Variants in MACROD1 observed in about 807,000 individuals in gnomAD.
MACROD1 encodes the protein ADP-ribose glycohydrolase MACROD1.
In MACROD1, 31 loss-of-function variants were observed where a neutral mutation model predicts 41.4. That is an observed-to-expected ratio of 0.75 (90% CI 0.56 to 1.01). MACROD1 has a LOEUF of 1.01. Among genes scored for constraint, MACROD1 ranks in the 50% least tolerant of loss-of-function variants. The pLI, the probability that MACROD1 is intolerant of heterozygous loss-of-function variation, is 0.00. For missense variants in MACROD1, 473 were observed against 460.0 expected (o/e 1.03, Z -0.26); for synonymous variants, 252 against 203.4 (o/e 1.24, Z -2.03).
chr11:64,159,118 G>A (rs941947656), intron 1 of MACROD1, among the ~76,000 whole-genome samples: 3 of 151,854 alleles, frequency 2.0e-5, no homozygotes, highest in Non-Finnish European at 2.9e-5. Context: ...TCAGGAGTTC[G>A]AGACCAGCCT....
chr11:63,999,311 C>T lies in MACROD1; in HGVS notation c.891+20G>A. 1 of 1,553,360 alleles carries T rather than the reference C, an allele frequency of 6.4e-7. No homozygotes were observed. ...CTGGCCGGGATGCGGACCCCACCCTCGCCCGGGCCCAGGACTCACCTTGTC... is the reference window on the plus strand; with the variant it reads ...CTGGCCGGGATGCGGACCCCACCCTTGCCCGGGCCCAGGACTCACCTTGTC... On this transcript the variant is annotated intron_variant, in intron 8 of 10. Coordinates refer to ENST00000255681, the MANE Select transcript of MACROD1 (RefSeq NM_014067.4).
intron 3 of MACROD1, among the ~76,000 whole-genome samples, chr11:64,077,943 C>T (rs1020776447): frequency 2.0e-5 from 3 of 152,226 alleles, no homozygotes; most frequent in African/African-American, 7.2e-5. Context: ...CAGCTAAGCC[C>T]TGATGGGCCC....
At chr11:64,160,817 A>T (rs1277032505) in intron 1 of MACROD1, among the ~76,000 whole-genome samples, 1 of 150,690 alleles carries the variant, frequency 6.6e-6, no homozygotes, top group Admixed American at 6.6e-5. Flanking sequence ...CCATATCTAA[A>T]AAAAAAAAAA....
chr11:64,000,410 G>A, intron 4 of MACROD1, 67 bp from the exon 5 acceptor site: 1 of 1,065,442 alleles, frequency 9.4e-7, no homozygotes, highest in Non-Finnish European at 1.3e-6. Context: ...AGCACCCTCA[G>A]TCCCGAGAAG....
At chr11:64,086,789 G>C (rs908422961) in intron 3 of MACROD1, 3 of 152,280 alleles carry the variant, frequency 2.0e-5, no homozygotes, top group Non-Finnish European at 2.9e-5. Flanking sequence ...GGAGCTGGAC[G>C]TGAGCCCTCA....
chr11:64,150,584 C>T (rs1945560809), intron 3 of MACROD1, among the ~76,000 whole-genome samples: 1 of 152,346 alleles, frequency 6.6e-6, no homozygotes, highest in African/African-American at 2.4e-5. Flanking sequence ...ACCTGCTCGA[C>T]TTAACCAGCC....
intron 1 of MACROD1, among the ~76,000 whole-genome samples, chr11:64,157,378 G>A (rs1001218291): frequency 2.0e-5 from 3 of 152,340 alleles, no homozygotes; most frequent in Admixed American, 6.5e-5. Context: ...ACAGGCGTGA[G>A]CCACCGCGCC....
rs1943062777 is a variant in MACROD1, at chr11:64,015,142, G to A, written c.547+110C>T. The A allele has an allele frequency of 5.0e-6, 6 of 1,195,936 alleles. No individual in the cohort carries two copies. In the East Asian group the frequency reaches 1.7e-4, roughly 35 times the overall value. 74.1% of individuals were successfully genotyped at this position (1,195,936 alleles called of 1,614,324 possible). A position where few individuals can be genotyped will look rare whatever the true frequency, so the allele number is the denominator to read the frequency against. On this transcript the variant is annotated intron_variant, in intron 4 of 10. Coordinates refer to ENST00000255681, the MANE Select transcript of MACROD1 (RefSeq NM_014067.4). Reference sequence around the variant, plus strand: ...GGGAGGCACCCTGTGAGGACAGTGGGGAAGGTGGATTGCAGTGAGATGGGC... The same window carrying A: ...GGGAGGCACCCTGTGAGGACAGTGGAGAAGGTGGATTGCAGTGAGATGGGC...
At chr11:64,007,509 C>A (rs1441458674) in intron 4 of MACROD1, among the ~76,000 whole-genome samples, 3 of 152,160 alleles carry the variant, frequency 2.0e-5, no homozygotes, top group Non-Finnish European at 4.4e-5. Context: ...GTGGCAGGAA[C>A]AGGCCGGCGG....
At chr11:64,119,894 G>C (rs186033726) in intron 3 of MACROD1, among the ~76,000 whole-genome samples, 8 of 152,296 alleles carry the variant, frequency 5.3e-5, no homozygotes, top group Admixed American at 2.0e-4. Context: ...CGGAGCCTGG[G>C]GTTCCGACGT....
intron 3 of MACROD1, among the ~76,000 whole-genome samples, chr11:64,045,812 C>T (rs997887369): frequency 3.9e-5 from 6 of 152,152 alleles, no homozygotes; most frequent in Non-Finnish European, 8.8e-5. Flanking sequence ...AACAGGTGGG[C>T]ATGCTGGCTC....
At chr11:64,087,784 G>A (rs2078955535) in intron 3 of MACROD1, among the ~76,000 whole-genome samples, 1 of 152,234 alleles carries the variant, frequency 6.6e-6, no homozygotes, top group Non-Finnish European at 1.5e-5. Flanking sequence ...ATGACCGGAG[G>A]CTGGACGCCT....
At position 64,000,347 on chromosome 11, in the gene MACROD1, C is replaced by T; in HGVS notation, c.548-4G>A. 1.3e-6 allele frequency: 2 copies of T among 1,555,668 alleles called. No homozygotes were observed. The highest frequency in any genetic ancestry group is 1.7e-6 in the Non-Finnish European group (2 of 1,151,656). On this transcript the variant is annotated splice_polypyrimidine_tract_variant and splice_region_variant and intron_variant, in intron 4 of 10. Coordinates refer to ENST00000255681, the MANE Select transcript of MACROD1 (RefSeq NM_014067.4). ...GCCCGATGAATGCAGCCGTCCACTG[C>T]GGGAAGGGCGGGCGCGACTGAGCTG...
At chr11:64,111,440 C>A (rs1565237523) in intron 3 of MACROD1, among the ~76,000 whole-genome samples, 3 of 152,262 alleles carry the variant, frequency 2.0e-5, no homozygotes. Context: ...CCCTGTGCTA[C>A]CTACCTGCTC....
intron 3 of MACROD1, among the ~76,000 whole-genome samples, chr11:64,107,924 C>A (rs1275859972): frequency 6.6e-6 from 1 of 152,232 alleles, no homozygotes; most frequent in Non-Finnish European, 1.5e-5. Flanking sequence ...GGAAGAATGG[C>A]TCATTGCTAG....
At chr11:64,108,207 G>A (rs1173590897) in intron 3 of MACROD1, among the ~76,000 whole-genome samples, 1 of 152,054 alleles carries the variant, frequency 6.6e-6, no homozygotes, top group Non-Finnish European at 1.5e-5. Flanking sequence ...CAGCTACGCG[G>A]GAGGCTGAGG....
intron 3 of MACROD1, among the ~76,000 whole-genome samples, chr11:64,046,505 G>C (rs981246341): frequency 6.6e-6 from 1 of 152,158 alleles, no homozygotes; most frequent in Non-Finnish European, 1.5e-5. Flanking sequence ...GGGACCCTGC[G>C]CTGTGCTCCA....
At chr11:64,075,503 C>T (rs906803496) in intron 3 of MACROD1, among the ~76,000 whole-genome samples, 1 of 152,242 alleles carries the variant, frequency 6.6e-6, no homozygotes, top group Non-Finnish European at 1.5e-5. Context: ...GGTGGCAGGG[C>T]CCCAGCTGGG....
At chr11:64,075,870 C>T (rs1320651088) in intron 3 of MACROD1, among the ~76,000 whole-genome samples, 1 of 152,216 alleles carries the variant, frequency 6.6e-6, no homozygotes, top group African/African-American at 2.4e-5. Context: ...GACGGGGTTT[C>T]ACCATGTTGG....
Sources: gnomAD v4.1 joint callset for allele counts (sites outside exome capture counted in the v4.1 genomes callset) on GRCh38, gnomAD v4.1.1 for gene constraint, MANE v1.5 for transcripts, NCBI Gene and HGNC (gene_info 2026-07-23, HGNC 2026-07-21) for gene names.